NRXN1: variants seen among roughly 807,000 people sequenced by gnomAD.
The protein encoded by NRXN1 is neurexin 1, also known as neurexin-1.
A neutral mutation model predicts 150.9 loss-of-function variants in NRXN1; 39 were observed. That is an observed-to-expected ratio of 0.26 (90% CI 0.20 to 0.34). NRXN1 has a LOEUF of 0.34. Ranked by LOEUF, NRXN1 falls within the 10% of genes least tolerant of loss-of-function variation. The pLI is 1.00. For missense variants in NRXN1, 1,815 were observed against 1,949.9 expected (o/e 0.93, Z 1.30); for synonymous variants, 924 against 757.0 (o/e 1.22, Z -3.62).
intron 18 of NRXN1, among the ~76,000 whole-genome samples, chr2:50,187,303 C>T (rs952138061): frequency 6.6e-6 from 1 of 151,986 alleles, no homozygotes; most frequent in African/African-American, 2.4e-5. Flanking sequence ...AATCTTGGCA[C>T]ACCAAGGTAA....
At chr2:50,385,310 A>T (rs552306678) in intron 17 of NRXN1, among the ~76,000 whole-genome samples, 129 of 152,302 alleles carry the variant, frequency 8.5e-4, no homozygotes, top group African/African-American at 3.0e-3. Context: ...TCATGTACAC[A>T]TGGTTAACAA....
chr2:50,678,953 T>C (rs151009541), intron 5 of NRXN1, among the ~76,000 whole-genome samples: 1 of 152,120 alleles, frequency 6.6e-6, no homozygotes, highest in African/African-American at 2.4e-5. Flanking sequence ...AGTGAAGCAT[T>C]AGAAATTCTA....
chr2:50,342,268 G>T (rs2077603984), intron 17 of NRXN1, among the ~76,000 whole-genome samples: 1 of 152,224 alleles, frequency 6.6e-6, no homozygotes, highest in South Asian at 2.1e-4. Context: ...TTGATTCAAA[G>T]ATTCTTCCAA....
intron 18 of NRXN1, among the ~76,000 whole-genome samples, chr2:50,196,922 G>A (rs1460250776): frequency 6.6e-6 from 1 of 152,092 alleles, no homozygotes; most frequent in Non-Finnish European, 1.5e-5. Context: ...TGGAGGGTGG[G>A]AGGAAGGAGT....
chr2:50,900,844 G>T (rs1682836635), intron 5 of NRXN1, among the ~76,000 whole-genome samples: 1 of 152,262 alleles, frequency 6.6e-6, no homozygotes, highest in East Asian at 1.9e-4. Flanking sequence ...GCGCTACCTG[G>T]ATTAGACTGA....
chr2:50,712,232 T>C (rs1382237465), intron 5 of NRXN1, among the ~76,000 whole-genome samples: 4 of 151,994 alleles, frequency 2.6e-5, no homozygotes, highest in Non-Finnish European at 5.9e-5. Flanking sequence ...AAACATCAGG[T>C]TCCAAGTAAG....
chr2:50,027,025 G>C (rs1180413469), intron 21 of NRXN1, among the ~76,000 whole-genome samples: 1 of 151,446 alleles, frequency 6.6e-6, no homozygotes, highest in East Asian at 2.0e-4. Context: ...GAGACTACAG[G>C]TGTGTGCCAC....
intron 5 of NRXN1, among the ~76,000 whole-genome samples, chr2:50,746,093 C>A (rs1468033018): frequency 6.6e-6 from 1 of 152,040 alleles, no homozygotes; most frequent in Non-Finnish European, 1.5e-5. Context: ...TCTCCTGGCA[C>A]CCAAATTTAT....
chr2:50,622,391 C>T (rs1487129329), intron 6 of NRXN1, among the ~76,000 whole-genome samples: 1 of 152,152 alleles, frequency 6.6e-6, no homozygotes, highest in Non-Finnish European at 1.5e-5. Context: ...CATTCTGCAA[C>T]TGTTCAGAGA....
chr2:50,076,229 GA>G (rs2152677236), intron 19 of NRXN1, among the ~76,000 whole-genome samples: 2 of 152,234 alleles, frequency 1.3e-5, no homozygotes, highest in East Asian at 3.9e-4. Context: ...TAAGTTTTTG[GA>G]AAGGTTTGTC....
In NRXN1 at chr2:50,183,535, T is replaced by A. The variant is rs115726653; in HGVS notation, c.3546+53254A>T. ...TCTTTAACTGTGTTTGTAAAAAAAA[T>A]ATATATTTTTAAATGTGGGATTTTG... is the stretch of plus-strand genomic sequence containing the variant. On this transcript the variant is annotated intron_variant, in intron 18 of 22. Transcript: ENST00000401669. Among the ~76,000 whole-genome samples the A allele has an allele frequency of 8.9e-3, 1,358 of 151,800 alleles. 19 individuals are homozygous for A. The highest frequency in any genetic ancestry group is 0.031 in the African/African-American group (1,289 of 41,410).
At chr2:50,782,206 A>T (rs1006208173) in intron 5 of NRXN1, among the ~76,000 whole-genome samples, 9 of 152,042 alleles carry the variant, frequency 5.9e-5, no homozygotes, top group African/African-American at 1.4e-4. Flanking sequence ...ATATTTTTTT[A>T]AAAAAAGGAT....
chr2:50,038,433 C>T (rs1690384028), intron 21 of NRXN1, among the ~76,000 whole-genome samples: 1 of 152,082 alleles, frequency 6.6e-6, no homozygotes, highest in Non-Finnish European at 1.5e-5. Context: ...ATCCCTGCAC[C>T]CACATGTAAG....
chr2:50,173,083 G>C (rs1383126583), intron 18 of NRXN1, among the ~76,000 whole-genome samples: 4 of 152,160 alleles, frequency 2.6e-5, no homozygotes, highest in African/African-American at 7.2e-5. Flanking sequence ...TCATTTCCTT[G>C]TCACTAGAAT....
At position 50,718,677 on chromosome 2, in the gene NRXN1, G is replaced by A. The variant is rs553077379; in HGVS notation, c.833-95062C>T. On this transcript the variant is annotated intron_variant, in intron 5 of 22. Transcript: ENST00000401669. Reference sequence around the variant, plus strand: ...CTTCTGCAGAGTTTCCAGCTCAAAAGCTTTTAAGAGACAAGCCCTTTGTAT... The same window carrying A: ...CTTCTGCAGAGTTTCCAGCTCAAAAACTTTTAAGAGACAAGCCCTTTGTAT... Among the ~76,000 whole-genome samples the A allele has an allele frequency of 5.3e-5, 8 of 152,258 alleles. No individual in the cohort carries two copies. The South Asian group carries it at 1.7e-3, about 32-fold the overall frequency.
intron 18 of NRXN1, among the ~76,000 whole-genome samples, chr2:50,151,294 C>T (rs961915730): frequency 1.3e-5 from 2 of 151,708 alleles, no homozygotes; most frequent in African/African-American, 4.8e-5. Flanking sequence ...CAGTTACAAA[C>T]CAAACAATTC....
intron 10 of NRXN1, among the ~76,000 whole-genome samples, chr2:50,532,656 A>C (rs2093148624): frequency 6.6e-6 from 1 of 152,128 alleles, no homozygotes; most frequent in African/African-American, 2.4e-5. Flanking sequence ...CTAAATAAGC[A>C]TGGGGGTGGG....
At chr2:50,447,965 T>C (rs2086611555) in intron 17 of NRXN1, among the ~76,000 whole-genome samples, 1 of 151,598 alleles carries the variant, frequency 6.6e-6, no homozygotes, top group African/African-American at 2.4e-5. Context: ...AAGTGTATCG[T>C]AAAATATACT....
chr2:50,577,454 C>T (rs376261673), intron 8 of NRXN1, among the ~76,000 whole-genome samples: 45 of 151,614 alleles, frequency 3.0e-4, no homozygotes, highest in African/African-American at 9.7e-4. Flanking sequence ...TATCACTGCA[C>T]GGCAGCATTC....
Sources: gnomAD v4.1 joint callset for allele counts (sites outside exome capture counted in the v4.1 genomes callset) on GRCh38, gnomAD v4.1.1 for gene constraint, MANE v1.5 for transcripts, NCBI Gene and HGNC (gene_info 2026-07-23, HGNC 2026-07-21) for gene names.